Variants in CTNNA3 observed in about 807,000 individuals in gnomAD.
CTNNA3 encodes the protein catenin alpha 3.
A neutral mutation model predicts 95.7 loss-of-function variants in CTNNA3; 76 were observed. That is an observed-to-expected ratio of 0.79 (90% CI 0.66 to 0.96). The LOEUF (loss-of-function observed/expected upper bound fraction) is 0.96. Ranked by LOEUF, CTNNA3 falls within the 40% of genes least tolerant of loss-of-function variation. The pLI, the probability that CTNNA3 is intolerant of heterozygous loss-of-function variation, is 0.00. For synonymous variants in CTNNA3, 431 were observed against 374.4 expected (o/e 1.15, Z -1.74); for missense variants, 1,191 against 1,089.8 (o/e 1.09, Z -1.31).
intron 5 of CTNNA3, among the ~76,000 whole-genome samples, chr10:67,506,937 T>TATGAC (rs1287872351): frequency 2.0e-5 from 3 of 152,162 alleles, no homozygotes; most frequent in Non-Finnish European, 4.4e-5. Context: ...AGAGCTAAAG[T>TATGAC]ATGACATTTT....
chr10:66,066,449 A>C (rs1472287628), intron 15 of CTNNA3, among the ~76,000 whole-genome samples: 1 of 152,134 alleles, frequency 6.6e-6, no homozygotes, highest in Non-Finnish European at 1.5e-5. Flanking sequence ...GACAGAGAGA[A>C]AGAGAGAAGC....
chr10:67,511,437 C>T (rs2133130121), intron 5 of CTNNA3, among the ~76,000 whole-genome samples: 1 of 152,278 alleles, frequency 6.6e-6, no homozygotes, highest in South Asian at 2.1e-4. Flanking sequence ...GCCTTTTCTG[C>T]ATCTATTGAG....
At chr10:66,789,409 A>G (rs1840882204) in intron 7 of CTNNA3, among the ~76,000 whole-genome samples, 1 of 152,078 alleles carries the variant, frequency 6.6e-6, no homozygotes, top group African/African-American at 2.4e-5. Context: ...TCCTGACCAC[A>G]GATAATCCAC....
At chr10:66,693,530 C>T (rs79646513) in intron 9 of CTNNA3, among the ~76,000 whole-genome samples, 2,812 of 151,264 alleles carry the variant, frequency 0.019, 97 homozygotes, top group East Asian at 0.15. Context: ...TAACACCCCA[C>T]TGTCAACATT....
chr10:67,458,790 G>T (rs937214375), intron 5 of CTNNA3, among the ~76,000 whole-genome samples: 3 of 152,118 alleles, frequency 2.0e-5, no homozygotes, highest in African/African-American at 4.8e-5. Flanking sequence ...GAACAGCATG[G>T]AGGAAACTGC....
chr10:66,744,104 A>G (rs913584651), intron 9 of CTNNA3, among the ~76,000 whole-genome samples: 1 of 152,110 alleles, frequency 6.6e-6, no homozygotes, highest in African/African-American at 2.4e-5. Context: ...ATGACAGAGC[A>G]AATGCACGCT....
intron 13 of CTNNA3, among the ~76,000 whole-genome samples, chr10:66,191,230 T>C (rs971839226): frequency 1.3e-5 from 2 of 152,156 alleles, no homozygotes; most frequent in African/African-American, 4.8e-5. Flanking sequence ...AGAGAGATTC[T>C]AGGTTCTTGG....
chr10:67,263,040 C>T (rs776364850), intron 5 of CTNNA3, among the ~76,000 whole-genome samples: 2 of 152,132 alleles, frequency 1.3e-5, no homozygotes, highest in Non-Finnish European at 2.9e-5. Flanking sequence ...AAACTTGATG[C>T]CATAACACAG....
At chr10:66,543,905 GTGTGTGTATATATATATATA>G (rs1327733639) in intron 10 of CTNNA3, among the ~76,000 whole-genome samples, 1,366 of 102,196 alleles carry the variant, frequency 0.013, 47 homozygotes, top group Non-Finnish European at 0.016. Flanking sequence ...TGAGATGTGT[GTGTGTGTATATATATATATA>G]TATATATATA....
At chr10:66,875,692 A>C (rs1249472611) in intron 7 of CTNNA3, among the ~76,000 whole-genome samples, 1 of 152,214 alleles carries the variant, frequency 6.6e-6, no homozygotes, top group African/African-American at 2.4e-5. Context: ...CAAAACATTT[A>C]AATGTCATTT....
At chr10:65,965,264 T>C (rs1253583468) in intron 17 of CTNNA3, among the ~76,000 whole-genome samples, 2 of 152,108 alleles carry the variant, frequency 1.3e-5, no homozygotes, top group Non-Finnish European at 2.9e-5. Flanking sequence ...CATTTACTAG[T>C]ATGACATTGG....
At chr10:67,581,843 G>C (rs183124081) in intron 3 of CTNNA3, among the ~76,000 whole-genome samples, 51 of 152,242 alleles carry the variant, frequency 3.3e-4, no homozygotes, top group African/African-American at 1.2e-3. Flanking sequence ...TAGTTTTTTT[G>C]TGTAGAAGTG....
intron 4 of CTNNA3, 66 bp from the exon 5 acceptor site, chr10:67,522,027 T>G: frequency 2.0e-6 from 3 of 1,526,558 alleles, no homozygotes; most frequent in Non-Finnish European, 2.7e-6. Flanking sequence ...CTCAACTTGC[T>G]AACACGAAGA....
At chr10:67,088,416 C>T (rs955223850) in intron 7 of CTNNA3, among the ~76,000 whole-genome samples, 5 of 151,736 alleles carry the variant, frequency 3.3e-5, no homozygotes, top group Non-Finnish European at 5.9e-5. Flanking sequence ...AAACAAAATG[C>T]TTCATAAAAC....
chr10:66,732,579 A>G (rs1848996581), intron 9 of CTNNA3, among the ~76,000 whole-genome samples: 1 of 152,132 alleles, frequency 6.6e-6, no homozygotes, highest in South Asian at 2.1e-4. Context: ...AAGGAGAAGT[A>G]CCAAGCAAAG....
At chr10:66,855,683 C>G (rs796444939) in intron 7 of CTNNA3, among the ~76,000 whole-genome samples, 7 of 152,068 alleles carry the variant, frequency 4.6e-5, no homozygotes, top group African/African-American at 1.7e-4. Flanking sequence ...AGATAGGTAC[C>G]ATGTAGCAAT....
chr10:66,380,039 G>C (rs1237946604), intron 11 of CTNNA3, among the ~76,000 whole-genome samples: 1 of 152,120 alleles, frequency 6.6e-6, no homozygotes, highest in East Asian at 1.9e-4. Flanking sequence ...CTGGCTTCTG[G>C]CTTTATCACA....
chr10:67,755,294 G>C (rs948935376), intron 1 of CTNNA3, among the ~76,000 whole-genome samples: 1 of 151,688 alleles, frequency 6.6e-6, no homozygotes, highest in African/African-American at 2.4e-5. Flanking sequence ...ACTACAATGA[G>C]ATATCATCTC....
chr10:66,819,734 A>G (rs7079663), intron 7 of CTNNA3, among the ~76,000 whole-genome samples: 3,908 of 152,248 alleles, frequency 0.026, 173 homozygotes, highest in African/African-American at 0.089. Flanking sequence ...ACAAACAGAT[A>G]CTCAGTATCA....
Sources: gnomAD v4.1 joint callset for allele counts (sites outside exome capture counted in the v4.1 genomes callset) on GRCh38, gnomAD v4.1.1 for gene constraint, MANE v1.5 for transcripts, NCBI Gene and HGNC (gene_info 2026-07-23, HGNC 2026-07-21) for gene names.